NDUFB4: variants seen among roughly 807,000 people sequenced by gnomAD.
The protein encoded by NDUFB4 is NADH:ubiquinone oxidoreductase subunit B4.
In NDUFB4, 10 loss-of-function variants were observed where a neutral mutation model predicts 14.5. That is an observed-to-expected ratio of 0.69 (90% confidence interval 0.43 to 1.17). The LOEUF (loss-of-function observed/expected upper bound fraction) is 1.17. Among genes scored for constraint, NDUFB4 ranks in the 50% most tolerant of loss-of-function variants. The probability of loss-of-function intolerance (pLI) is 0.00; values close to 1 mark genes in which losing one functional copy is unlikely to be tolerated. For synonymous variants in NDUFB4, 65 were observed against 63.4 expected, an observed-to-expected ratio of 1.03 and a Z score of -0.12; for missense variants, 165 against 161.1, an observed-to-expected ratio of 1.02 and a Z score of -0.13.
chr3:120,602,433 G>C lies in NDUFB4; in HGVS notation c.*163G>C. 1 of 608,982 alleles carries C rather than the reference G, an allele frequency of 1.6e-6. No individual in the cohort carries two copies. Among genetic ancestry groups the C allele is most frequent in the Non-Finnish European group, 2.8e-6 (1 of 352,594 alleles). The allele number at this position is 608,982 out of a possible 1,614,324, so 37.7% of individuals were successfully genotyped here. A position where few individuals can be genotyped will look rare whatever the true frequency, so the allele number is the denominator to read the frequency against. On this transcript the variant is annotated 3_prime_UTR_variant, in exon 3 of 3. Coordinates refer to ENST00000184266, the MANE Select transcript of NDUFB4 (RefSeq NM_004547.6). ...AGCCCGTGTTGGGAATCTGCTGTCAGAGTGACAGCAAACATTTGCTGTACA... is the reference window on the plus strand; with the variant it reads ...AGCCCGTGTTGGGAATCTGCTGTCACAGTGACAGCAAACATTTGCTGTACA...
chr3:120,601,310 G>A, intron 2 of NDUFB4, 53 bp downstream of exon 2: 1 of 1,606,774 alleles, frequency 6.2e-7, no homozygotes, highest in Non-Finnish European at 8.5e-7. Context: ...CACTTTCTAG[G>A]GACCAGCTGC....
chr3:120,599,903 C>G (rs977783732), intron 1 of NDUFB4, among the ~76,000 whole-genome samples: 2 of 151,948 alleles, frequency 1.3e-5, no homozygotes, highest in African/African-American at 4.8e-5. Context: ...TGTCTTTACC[C>G]TCTTTTTTCT....
chr3:120,601,938 A>T (rs1333857151), intron 2 of NDUFB4: 3 of 1,191,308 alleles, frequency 2.5e-6, no homozygotes, highest in Non-Finnish European at 3.1e-6. Context: ...ATATATTTCT[A>T]ATGACTAAAA....
Position 120,597,023 on chromosome 3 carries a change from T to C in NDUFB4, c.180+484T>C, listed in dbSNP as rs1274428460. Among the ~76,000 whole-genome samples, 4 of 144,234 alleles carry C rather than the reference T, an allele frequency of 2.8e-5. No homozygotes were observed. The East Asian group carries it at 7.8e-4, about 28-fold the overall frequency. The allele number at this position is 144,234 out of a possible 152,430, so 94.6% of individuals were successfully genotyped here. On this transcript the variant is annotated intron_variant, in intron 1 of 2. Transcript: ENST00000184266. ...ATATTCTATATATATGCATATATAT[T>C]TTATATATATGCATATATATTATAT...
rs547409425 is a variant in NDUFB4 at position 120,596,606 on chromosome 3, A to G, written c.180+67A>G. 3.9e-4 allele frequency: 595 copies of G among 1,536,496 alleles called. 4 individuals are homozygous for G. In the South Asian group the frequency reaches 6.4e-3, roughly 16 times the overall value. ...TGGGAGAGACCGAGAGAGACCACGC[A>G]AAGGGTCGGCCACCGCTCCCGATCA... On this transcript the variant is annotated intron_variant, in intron 1 of 2. Transcript: ENST00000184266.
intron 1 of NDUFB4, among the ~76,000 whole-genome samples, chr3:120,598,691 G>A (rs1940007688): frequency 1.3e-5 from 2 of 152,070 alleles, no homozygotes; most frequent in Admixed American, 6.6e-5. Context: ...AGTGGGGTGA[G>A]GGACCTAGCT....
At chr3:120,601,915 G>A (rs1940070352) in intron 2 of NDUFB4, 2 of 1,129,622 alleles carry the variant, frequency 1.8e-6, no homozygotes, top group Non-Finnish European at 2.2e-6. Flanking sequence ...TCAATATATG[G>A]TTTTATGGGA....
Position 120,596,430 on chromosome 3 carries a change from A to C in NDUFB4, c.71A>C (p.Asn24Thr), listed in dbSNP as rs139373141. The C allele has an allele frequency of 2.5e-6, 4 of 1,614,172 alleles. No individual in the cohort carries two copies. Among genetic ancestry groups the C allele is most frequent in the South Asian group, 1.1e-5 (1 of 91,084 alleles). Residue 24 changes from asparagine to threonine, a missense_variant, in exon 1 of 3, where the codon AAC (asparagine) becomes ACC (threonine). Asn to Thr is a moderately conservative substitution (Grantham distance 65). Coordinates refer to ENST00000184266, the MANE Select transcript of NDUFB4 (RefSeq NM_004547.6). Reference protein sequence around the residue: ...LPETLDPAEYNISPETRRAQA... With the variant: ...LPETLDPAEYTISPETRRAQA... Reference sequence around the variant, plus strand: ...GAGACCCTCGACCCAGCCGAATACAACATATCTCCGGAAACCCGGCGGGCG... The same window carrying C: ...GAGACCCTCGACCCAGCCGAATACACCATATCTCCGGAAACCCGGCGGGCG...
At chr3:120,596,768 CTGCG>C in intron 1 of NDUFB4, 1 of 547,710 alleles carries the variant, frequency 1.8e-6, no homozygotes, top group Non-Finnish European at 3.3e-6. Flanking sequence ...CACTTCCTGC[CTGCG>C]TGACCTTAAG....
chr3:120,601,379 C>G, intron 2 of NDUFB4, 122 bp downstream of exon 2: 1 of 1,516,494 alleles, frequency 6.6e-7, no homozygotes, highest in East Asian at 2.3e-5. Flanking sequence ...TGTCCTCTGC[C>G]TTCCCTTCCT....
chr3:120,599,736 A>G (rs1940026517), intron 1 of NDUFB4, among the ~76,000 whole-genome samples: 1 of 152,168 alleles, frequency 6.6e-6, no homozygotes, highest in East Asian at 1.9e-4. Flanking sequence ...TCTGGAAGAC[A>G]GATCTGGCAG....
intron 2 of NDUFB4, 88 bp downstream of exon 2, chr3:120,601,345 C>T (rs1170919555): frequency 1.4e-5 from 22 of 1,580,864 alleles, no homozygotes; most frequent in Non-Finnish European, 1.9e-5. Flanking sequence ...AAGATTGCCA[C>T]CAGTGCCCCT....
chr3:120,599,963 G>A lies in NDUFB4; in HGVS notation c.181-1148G>A, dbSNP rs571305760. Among the ~76,000 whole-genome samples, 92 of 151,666 alleles carry A rather than the reference G, an allele frequency of 6.1e-4. 1 individual carries two copies. The highest frequency in any genetic ancestry group is 2.1e-3 in the African/African-American group (85 of 41,382). The stretch of plus-strand genomic sequence containing the variant: ...AAACAATGCTGCAGAACACTTGCAT[G>A]TGCTTTCATTTTAATGTGGTGTGAT... On this transcript the variant is annotated intron_variant, in intron 1 of 2. Coordinates refer to ENST00000184266, the MANE Select transcript of NDUFB4 (RefSeq NM_004547.6).
intron 2 of NDUFB4, chr3:120,601,985 A>C: frequency 7.8e-7 from 1 of 1,284,998 alleles, no homozygotes; most frequent in Non-Finnish European, 9.8e-7. Flanking sequence ...GCATTTTCTT[A>C]CTGTGTCTTT....
chr3:120,598,316 A>C (rs542894575), intron 1 of NDUFB4, among the ~76,000 whole-genome samples: 1 of 152,174 alleles, frequency 6.6e-6, no homozygotes, highest in Non-Finnish European at 1.5e-5. Context: ...CGCCTCTCAG[A>C]GTGCTGGGAT....
At chr3:120,601,001 T>C in intron 1 of NDUFB4, 110 bp from the exon 2 acceptor site, 3 of 895,270 alleles carry the variant, frequency 3.4e-6, no homozygotes, top group Non-Finnish European at 3.5e-6. Context: ...TACCCTTAAC[T>C]GTTCTAGAGA....
At chr3:120,597,198 T>G (rs1939980602) in intron 1 of NDUFB4, among the ~76,000 whole-genome samples, 1 of 151,926 alleles carries the variant, frequency 6.6e-6, no homozygotes, top group Non-Finnish European at 1.5e-5. Flanking sequence ...CCCTGAAGCT[T>G]GCTGAAGTTC....
At chr3:120,601,839 C>T (rs1940069378) in intron 2 of NDUFB4, 1 of 1,032,384 alleles carries the variant, frequency 9.7e-7, no homozygotes, top group Non-Finnish European at 1.2e-6. Context: ...TTTTGATTAT[C>T]TGGTGAATGA....
rs1352268733 is a variant in NDUFB4 at position 120,596,478 on chromosome 3, G to A, written c.119G>A (p.Arg40Lys). The A allele has an allele frequency of 8.7e-6, 14 of 1,613,934 alleles. No individual in the cohort carries two copies. Among genetic ancestry groups the A allele is most frequent in the Non-Finnish European group, 1.2e-5 (14 of 1,179,980 alleles). ...GCGCAAGCCGAGCGGTTGGCCATAA[G>A]AGCCCAGCTGAAACGAGAGTACCTG... ...RRAQAERLAI[R>K]AQLKREYLLQ... Residue 40 changes from arginine to lysine, a missense_variant, in exon 1 of 3, where the codon AGA (arginine) becomes AAA (lysine). Transcript: ENST00000184266.
Sources: gnomAD v4.1 joint callset for allele counts (sites outside exome capture counted in the v4.1 genomes callset) on GRCh38, gnomAD v4.1.1 for gene constraint, MANE v1.5 for transcripts, NCBI Gene and HGNC (gene_info 2026-07-23, HGNC 2026-07-21) for gene names.